KCNC2: variants seen among roughly 807,000 people sequenced by gnomAD.
The protein encoded by KCNC2 is potassium voltage-gated channel subfamily C member 2, also known as voltage-gated potassium channel KCNC2.
KCNC2 carries 21 observed loss-of-function variants against 44.5 expected under a neutral mutation model. That is an observed-to-expected ratio of 0.47 (90% CI 0.33 to 0.68). KCNC2 has a LOEUF of 0.68. Ranked by LOEUF, KCNC2 falls within the 30% of genes least tolerant of loss-of-function variation. The pLI is 0.01. For missense variants in KCNC2, 589 were observed against 826.2 expected, an observed-to-expected ratio of 0.71 and a Z score of 3.52; for synonymous variants, 391 against 339.1, an observed-to-expected ratio of 1.15 and a Z score of -1.68.
At chr12:75,101,676 T>C (rs1470120362) in intron 2 of KCNC2, among the ~76,000 whole-genome samples, 7 of 152,116 alleles carry the variant, frequency 4.6e-5, no homozygotes, top group Admixed American at 4.6e-4. Flanking sequence ...GAGTTCTATA[T>C]TGTCCACTTT....
At chr12:75,189,139 T>C (rs1009215737) in intron 2 of KCNC2, among the ~76,000 whole-genome samples, 4 of 152,166 alleles carry the variant, frequency 2.6e-5, no homozygotes, top group Non-Finnish European at 5.9e-5. Flanking sequence ...TGTCTCTGAC[T>C]AGGGAAATAA....
At chr12:75,143,239 G>T (rs1161216404) in intron 2 of KCNC2, among the ~76,000 whole-genome samples, 2 of 152,134 alleles carry the variant, frequency 1.3e-5, no homozygotes, top group Non-Finnish European at 1.5e-5. Context: ...TGACCTCGGC[G>T]ATCTCCAAGG....
In KCNC2 at chr12:75,041,149, C is replaced by T. The variant is rs769242320; in HGVS notation, c.*1956G>A. 6.3e-7 allele frequency: 1 copy of T among 1,596,734 alleles called. No individual in the cohort carries two copies. Among genetic ancestry groups the T allele is most frequent in the South Asian group, 1.1e-5 (1 of 91,060 alleles). ...GTTTCCAGTATAGTCCTTGGTATGG[C>T]TAAATTCCACTGTCCCTTTCTCAGC... On this transcript the variant is annotated 3_prime_UTR_variant, in exon 5 of 5. Coordinates refer to ENST00000549446, the MANE Select transcript of KCNC2 (RefSeq NM_139137.4).
intron 2 of KCNC2, among the ~76,000 whole-genome samples, chr12:75,092,093 C>A (rs1039186889): frequency 6.6e-6 from 1 of 151,572 alleles, no homozygotes; most frequent in Admixed American, 6.6e-5. Flanking sequence ...GATTGAAATG[C>A]AGATTTCTGG....
At chr12:75,120,234 G>A (rs7979085) in intron 2 of KCNC2, among the ~76,000 whole-genome samples, 22,557 of 152,058 alleles carry the variant, frequency 0.15, 1,962 homozygotes, top group Middle Eastern at 0.27. Flanking sequence ...AGATTCCACG[G>A]TATAGCTACA....
At chr12:75,071,413 C>T (rs1883386670) in intron 2 of KCNC2, among the ~76,000 whole-genome samples, 1 of 152,130 alleles carries the variant, frequency 6.6e-6, no homozygotes, top group African/African-American at 2.4e-5. Context: ...TTAATGTAGG[C>T]AATTCAGGAG....
intron 2 of KCNC2, among the ~76,000 whole-genome samples, chr12:75,077,739 C>T (rs953697356): frequency 6.6e-6 from 1 of 152,006 alleles, no homozygotes; most frequent in Non-Finnish European, 1.5e-5. Context: ...GTTAGAACAC[C>T]TAAGTTACGA....
rs778325714 is a variant in KCNC2, at chr12:75,208,009, G to A, written c.-19-7C>T. On this transcript the variant is annotated splice_polypyrimidine_tract_variant and splice_region_variant and intron_variant, in intron 1 of 4. Transcript: ENST00000549446. ...CTCTGTGACTCAGACATGACTAGGG[G>A]GAGGCAAACACAGCGCCGAGTTAAA... 20 of 1,610,498 alleles carry A rather than the reference G, an allele frequency of 1.2e-5. No homozygotes were observed. The highest frequency in any genetic ancestry group is 2.2e-5 in the East Asian group (1 of 44,598).
chr12:75,208,082 G>T, intron 1 of KCNC2, 80 bp from the exon 2 acceptor site: 1 of 1,540,734 alleles, frequency 6.5e-7, no homozygotes, highest in Non-Finnish European at 8.8e-7. Flanking sequence ...CCAACCCAGA[G>T]CGAGTCCAGG....
At chr12:75,150,652 A>T (rs1890324811) in intron 2 of KCNC2, among the ~76,000 whole-genome samples, 1 of 151,850 alleles carries the variant, frequency 6.6e-6, no homozygotes, top group African/African-American at 2.4e-5. Flanking sequence ...AACATCTCAA[A>T]CATATATCTG....
At chr12:75,063,302 A>G (rs1190591039) in intron 2 of KCNC2, among the ~76,000 whole-genome samples, 1 of 152,038 alleles carries the variant, frequency 6.6e-6, no homozygotes, top group East Asian at 1.9e-4. Context: ...TTCAACTCCT[A>G]TGTTGAGTCT....
At chr12:75,150,598 T>C (rs970587789) in intron 2 of KCNC2, among the ~76,000 whole-genome samples, 1 of 151,960 alleles carries the variant, frequency 6.6e-6, no homozygotes, top group African/African-American at 2.4e-5. Flanking sequence ...TGTTTTTTAT[T>C]GCATAGCTAT....
intron 2 of KCNC2, among the ~76,000 whole-genome samples, chr12:75,068,585 C>G (rs924091500): frequency 9.9e-5 from 15 of 151,888 alleles, no homozygotes; most frequent in African/African-American, 2.7e-4. Flanking sequence ...GTGTCTTATT[C>G]CTATAGGAAT....
chr12:75,136,147 G>A (rs1489237525), intron 2 of KCNC2, among the ~76,000 whole-genome samples: 1 of 151,834 alleles, frequency 6.6e-6, no homozygotes, highest in East Asian at 1.9e-4. Context: ...TGAAAATAGA[G>A]ACACAACATA....
chr12:75,160,705 T>A (rs916472793), intron 2 of KCNC2, among the ~76,000 whole-genome samples: 3 of 151,842 alleles, frequency 2.0e-5, no homozygotes, highest in Admixed American at 2.0e-4. Flanking sequence ...TGCATTGATA[T>A]CCTCTGTATT....
At chr12:75,146,836 T>C (rs1367493372) in intron 2 of KCNC2, among the ~76,000 whole-genome samples, 4 of 152,250 alleles carry the variant, frequency 2.6e-5, no homozygotes, top group African/African-American at 9.6e-5. Flanking sequence ...GTGTATATAA[T>C]GTAACCATTG....
intron 2 of KCNC2, among the ~76,000 whole-genome samples, chr12:75,081,699 T>A (rs1329991237): frequency 6.6e-6 from 1 of 151,996 alleles, no homozygotes; most frequent in Non-Finnish European, 1.5e-5. Context: ...TGTAATAATT[T>A]GAAAATAGAA....
intron 2 of KCNC2, among the ~76,000 whole-genome samples, chr12:75,071,937 CAA>C (rs751849483): frequency 1.8e-4 from 12 of 67,366 alleles, no homozygotes; most frequent in African/African-American, 8.9e-4. Flanking sequence ...GACTCCTTCT[CAA>C]AAAAAAAAAA....
chr12:75,072,239 G>C (rs1482735522), intron 2 of KCNC2, among the ~76,000 whole-genome samples: 1 of 152,120 alleles, frequency 6.6e-6, no homozygotes, highest in East Asian at 1.9e-4. Flanking sequence ...TAATCAAAAG[G>C]GAGAAGAACT....
Sources: gnomAD v4.1 joint callset for allele counts (sites outside exome capture counted in the v4.1 genomes callset) on GRCh38, gnomAD v4.1.1 for gene constraint, MANE v1.5 for transcripts, NCBI Gene and HGNC (gene_info 2026-07-23, HGNC 2026-07-21) for gene names.